Variants in MUCL1 observed in about 807,000 individuals in gnomAD.
MUCL1 encodes mucin like 1.
In MUCL1, 11 loss-of-function variants were observed where a neutral mutation model predicts 9.2. That is an observed-to-expected ratio of 1.19 (90% CI 0.75 to 1.97). The LOEUF is 1.97. Ranked by LOEUF, MUCL1 falls within the 30% of genes most tolerant of loss-of-function variation. The pLI is 0.00. For synonymous variants in MUCL1, 48 were observed against 40.5 expected, an observed-to-expected ratio of 1.19 and a Z score of -0.71; for missense variants, 144 against 110.9, an observed-to-expected ratio of 1.30 and a Z score of -1.34.
At chr12:54,839,368 T>G, upstream of MUCL1, 1 of 701,564 alleles carries the variant, frequency 1.4e-6, no homozygotes, top group South Asian at 1.5e-5. Context: ...CTCAGTATTT[T>G]ATTTACTGGA....
intron 3 of MUCL1, 114 bp from the exon 4 acceptor site, chr12:54,858,078 AT>A: frequency 8.0e-7 from 1 of 1,252,194 alleles, no homozygotes; most frequent in East Asian, 2.3e-5. Flanking sequence ...TTCCTTTCGA[AT>A]CCCCTGAGTT....
chr12:54,845,646 T>A (rs1000409203), intron 1 of MUCL1, among the ~76,000 whole-genome samples: 1 of 152,114 alleles, frequency 6.6e-6, no homozygotes, highest in Non-Finnish European at 1.5e-5. Flanking sequence ...GCTCAGGTTA[T>A]GTGACCTGCA....
At position 54,855,175 on chromosome 12, in the gene MUCL1, T is replaced by C. The variant is rs769523452; in HGVS notation, c.100+18T>C. 6.2e-7 allele frequency: 1 copy of C among 1,611,212 alleles called. No individual in the cohort carries two copies. The highest frequency in any genetic ancestry group is 8.5e-7 in the Non-Finnish European group (1 of 1,177,744). The stretch of plus-strand genomic sequence containing the variant: ...TCCAGCTAGTGAGTCTGCACTTGAA[T>C]GTCATCTCTTTCCAGCAATAACCAT... On this transcript the variant is annotated intron_variant, in intron 2 of 3. Transcript: ENST00000308796.
chr12:54,838,693 T>C (rs921903909), upstream of MUCL1, among the ~76,000 whole-genome samples: 6 of 152,182 alleles, frequency 3.9e-5, no homozygotes, highest in African/African-American at 1.2e-4. Context: ...TCCAAAATTC[T>C]TCTTGGTCTA....
chr12:54,838,520 G>A (rs1490273993), upstream of MUCL1, among the ~76,000 whole-genome samples: 1 of 152,122 alleles, frequency 6.6e-6, no homozygotes, highest in African/African-American at 2.4e-5. Context: ...TCTCAAATAA[G>A]TTTTTGAAAC....
chr12:54,833,982 C>A (rs775602101), intron 1 of MUCL1, among the ~76,000 whole-genome samples: 1 of 151,938 alleles, frequency 6.6e-6, no homozygotes, highest in African/African-American at 2.4e-5. Context: ...AAAAAAAAGT[C>A]TACTTAACAG....
Position 54,858,268 on chromosome 12 carries a change from A to G in MUCL1, c.*26A>G, listed in dbSNP as rs747239549. On this transcript the variant is annotated 3_prime_UTR_variant, in exon 4 of 4. Transcript: ENST00000308796. ...GATGGAATCAGCTTGAGTCTTCTGC[A>G]ATTGGTCACAACTATTCATGCTTCC... 6 of 1,612,940 alleles carry G rather than the reference A, an allele frequency of 3.7e-6. No homozygotes were observed. The highest frequency in any genetic ancestry group is 4.2e-6 in the Non-Finnish European group (5 of 1,179,196).
intron 1 of MUCL1, among the ~76,000 whole-genome samples, chr12:54,848,732 A>G (rs1207751649): frequency 6.6e-6 from 1 of 152,196 alleles, no homozygotes; most frequent in Admixed American, 6.5e-5. Flanking sequence ...TGCTTCTGGC[A>G]TAACAGTCCA....
Position 54,855,134 on chromosome 12 carries a change from C to A in MUCL1, c.77C>A (p.Ala26Asp). 6.2e-7 allele frequency: 1 copy of A among 1,613,322 alleles called. No individual in the cohort carries two copies. Among genetic ancestry groups the A allele is most frequent in the Non-Finnish European group, 8.5e-7 (1 of 1,179,606 alleles). ...CTTTCAGAGAATCCGACAACAGCTG[C>A]TCCAGCTGACACGTATCCAGCTAGT... ...LVSAQNPTTA[A>D]PADTYPATGP... Residue 26 changes from alanine to aspartate, a missense_variant, in exon 2 of 4, where the codon GCT (alanine) becomes GAT (aspartate). Transcript: ENST00000308796.
chr12:54,856,194 A>T (rs1403904009), intron 2 of MUCL1, among the ~76,000 whole-genome samples: 1 of 152,220 alleles, frequency 6.6e-6, no homozygotes, highest in African/African-American at 2.4e-5. Flanking sequence ...TAATAAACAG[A>T]GTCCAAGCTG....
chr12:54,843,915 A>T (rs11609203), intron 1 of MUCL1, among the ~76,000 whole-genome samples: 6,716 of 152,256 alleles, frequency 0.044, 176 homozygotes, highest in Middle Eastern at 0.11. Flanking sequence ...AAAGTAATAC[A>T]CTGACATTCA....
chr12:54,835,693 G>C (rs371489214), upstream of MUCL1, among the ~76,000 whole-genome samples: 2 of 151,096 alleles, frequency 1.3e-5, no homozygotes, highest in African/African-American at 4.9e-5. Flanking sequence ...TCCCCGTTCA[G>C]TATGATGCTG....
intron 1 of MUCL1, among the ~76,000 whole-genome samples, chr12:54,841,247 A>G (rs1959209981): frequency 6.6e-6 from 1 of 152,192 alleles, no homozygotes; most frequent in South Asian, 2.1e-4. Context: ...TCATTTATTA[A>G]CCGACACTTA....
chr12:54,850,566 A>G (rs1959323060), upstream of MUCL1, among the ~76,000 whole-genome samples: 1 of 151,902 alleles, frequency 6.6e-6, no homozygotes, highest in Non-Finnish European at 1.5e-5. Context: ...TCATTGTTGT[A>G]CATTTGGGTT....
At chr12:54,854,444 C>T (rs974651359), upstream of MUCL1, 2 of 635,804 alleles carry the variant, frequency 3.1e-6, no homozygotes, top group Non-Finnish European at 2.7e-6. Context: ...ATTACCTAAC[C>T]TGGATTCTGG....
intron 1 of MUCL1, among the ~76,000 whole-genome samples, chr12:54,845,557 A>G (rs1049551720): frequency 6.6e-6 from 1 of 152,036 alleles, no homozygotes; most frequent in Non-Finnish European, 1.5e-5. Flanking sequence ...CCAAGTACTT[A>G]GATTCTGCTT....
chr12:54,843,755 T>C (rs1159658944), intron 1 of MUCL1, among the ~76,000 whole-genome samples: 3 of 152,184 alleles, frequency 2.0e-5, no homozygotes, highest in Admixed American at 6.5e-5. Flanking sequence ...AAATGGATTC[T>C]TCTATAGAGA....
chr12:54,845,997 A>G (rs1592247490), intron 1 of MUCL1, among the ~76,000 whole-genome samples: 1 of 152,172 alleles, frequency 6.6e-6, no homozygotes, highest in South Asian at 2.1e-4. Context: ...TTATTCTGCA[A>G]AAAAAACTTG....
At chr12:54,834,018 A>G (rs1340007336) in intron 1 of MUCL1, among the ~76,000 whole-genome samples, 1 of 152,124 alleles carries the variant, frequency 6.6e-6, no homozygotes, top group Non-Finnish European at 1.5e-5. Context: ...ATGCATTATA[A>G]CTATACCCTC....
Sources: allele counts gnomAD v4.1 joint callset (sites outside exome capture counted in the v4.1 genomes callset), GRCh38; gene constraint gnomAD v4.1.1; transcripts MANE v1.5; gene names NCBI Gene and HGNC (gene_info 2026-07-23, HGNC 2026-07-21).